Variants in DYNC1H1 observed in about 807,000 individuals in gnomAD.
DYNC1H1 encodes cytoplasmic dynein 1 heavy chain 1.
Under a neutral mutation model 527.1 loss-of-function variants are expected in DYNC1H1, and 51 were observed. That is an observed-to-expected ratio of 0.10 (90% confidence interval 0.08 to 0.12). The LOEUF is 0.12. Among genes scored for constraint, DYNC1H1 ranks in the 10% least tolerant of loss-of-function variants. The probability of loss-of-function intolerance (pLI) is 1.00; values close to 1 mark genes in which losing one functional copy is unlikely to be tolerated. For synonymous variants in DYNC1H1, 2,189 were observed against 2,278.8 expected, an observed-to-expected ratio of 0.96 and a Z score of 1.12; for missense variants, 2,771 against 5,971.8, an observed-to-expected ratio of 0.46 and a Z score of 17.66.
chr14:102,002,578 C>T lies in DYNC1H1; in HGVS notation c.4584C>T (p.Asn1528=). The change falls in exon 22 of 78, where the codon AAC becomes AAT. Residue 1528 remains asparagine (N), a synonymous_variant. Transcript: ENST00000360184. The surrounding 1 kb of genome is among the most constrained non-coding windows in gnomAD (Gnocchi z 4.4). ...CTCTCAGCTGGGAAGATAAGCTGAA[C>T]AGGATCATGGCTCTCTTTGATGTGT... ...EDALSWEDKL[N]RIMALFDVWI... The T allele has an allele frequency of 6.2e-7, 1 of 1,614,204 alleles. No individual in the cohort carries two copies. Among genetic ancestry groups the T allele is most frequent in the Non-Finnish European group, 8.5e-7 (1 of 1,180,038 alleles).
chr14:101,997,257 A>G lies in DYNC1H1; in HGVS notation c.3787A>G (p.Lys1263Glu), dbSNP rs1315401599. 3 of 1,614,100 alleles carry G rather than the reference A, an allele frequency of 1.9e-6. No individual in the cohort carries two copies. ...RTTDLLTDWE[K>E]TKPVTGNLRP... is the part of the protein sequence containing the mutation. ...CACCGACCTGCTGACTGACTGGGAGAAGACCAAGCCTGTCACGGTGAGTCC... is the reference window on the plus strand; with the variant it reads ...CACCGACCTGCTGACTGACTGGGAGGAGACCAAGCCTGTCACGGTGAGTCC... The change falls in exon 16 of 78, where the codon AAG (lysine) becomes GAG (glutamate). Residue 1263 changes from lysine to glutamate, a missense_variant. Transcript: ENST00000360184. This position sits in a 1 kb window ranked among gnomAD's most constrained non-coding sequence, Gnocchi z 4.8.
At position 102,005,896 on chromosome 14, in the gene DYNC1H1, G is replaced by C. The variant is rs1172992833; in HGVS notation, c.5442G>C (p.Glu1814Asp). ...TGACTCTCTTTCTTCAGATTACAGA[G>C]TTGGTTCACCAGAGAGATGTTACAA... Reference protein sequence around the residue: ...RRRKLEHLITELVHQRDVTRS... With the variant: ...RRRKLEHLITDLVHQRDVTRS... Residue 1814 changes from glutamate (E) to aspartate (D), a missense_variant, in exon 27 of 78, where the codon GAG (glutamate) becomes GAC (aspartate). Transcript: ENST00000360184. This position sits in a 1 kb window ranked among gnomAD's most constrained non-coding sequence, Gnocchi z 4.0. 2.5e-6 allele frequency: 4 copies of C among 1,614,240 alleles called. No individual in the cohort carries two copies. Among genetic ancestry groups the C allele is most frequent in the Non-Finnish European group, 3.4e-6 (4 of 1,180,040 alleles).
intron 15 of DYNC1H1, 110 bp from the exon 16 acceptor site, chr14:101,996,925 T>C: frequency 6.9e-7 from 1 of 1,459,090 alleles, no homozygotes; most frequent in East Asian, 2.5e-5. Context: ...GTCTGGCCAG[T>C]CTTACGTGTT....
intron 2 of DYNC1H1, among the ~76,000 whole-genome samples, chr14:101,978,377 T>C (rs554826542): frequency 1.3e-5 from 2 of 152,334 alleles, no homozygotes; most frequent in East Asian, 3.9e-4. Flanking sequence ...TTCGCCATGT[T>C]GGCCAGGCTG....
intron 73 of DYNC1H1, 50 bp downstream of exon 73, chr14:102,048,078 G>T (rs1454022799): frequency 1.3e-6 from 2 of 1,569,710 alleles, no homozygotes; most frequent in Admixed American, 3.6e-5. Flanking sequence ...CCAGGTGCTG[G>T]GTATGGTCAT....
Position 102,038,954 on chromosome 14 carries a change from A to AC in DYNC1H1, c.11207-45dup. 1 of 1,613,912 alleles carries AC rather than the reference A, an allele frequency of 6.2e-7. No individual in the cohort carries two copies. Among genetic ancestry groups the AC allele is most frequent in the Non-Finnish European group, 8.5e-7 (1 of 1,180,016 alleles). On this transcript the variant is annotated intron_variant, in intron 59 of 77. Coordinates refer to ENST00000360184, the MANE Select transcript of DYNC1H1 (RefSeq NM_001376.5). The surrounding 1 kb of genome is among the most constrained non-coding windows in gnomAD (Gnocchi z 7.2). ...TTGTGGCAAACACTTCTGAGAGCATACCTTTTGAAGGATTATTGCAAACTC... is the reference window on the plus strand; with the variant it reads ...TTGTGGCAAACACTTCTGAGAGCATACCCTTTTGAAGGATTATTGCAAACTC...
At position 102,051,214 on chromosome 14, in the gene DYNC1H1, C is replaced by G. The variant is rs1021550143; in HGVS notation, c.*651C>G. 2 of 159,898 alleles carry G rather than the reference C, an allele frequency of 1.3e-5. No homozygotes were observed. Among genetic ancestry groups the G allele is most frequent in the African/African-American group, 4.8e-5 (2 of 41,254 alleles). 9.9% of individuals were successfully genotyped at this position (159,898 alleles called of 1,614,324 possible). Reference sequence around the variant, plus strand: ...GAGGCTGCAGTGAGCTGTGATCTCACCACTGCACTCCAGCCTGGGTGACAG... The same window carrying G: ...GAGGCTGCAGTGAGCTGTGATCTCAGCACTGCACTCCAGCCTGGGTGACAG... On this transcript the variant is annotated 3_prime_UTR_variant, in exon 78 of 78. Coordinates refer to ENST00000360184, the MANE Select transcript of DYNC1H1 (RefSeq NM_001376.5).
chr14:102,026,507 A>G (rs2048453049), intron 43 of DYNC1H1, 67 bp from the exon 44 acceptor site: 1 of 1,563,828 alleles, frequency 6.4e-7, no homozygotes, highest in African/African-American at 1.4e-5. Context: ...GTGGACATAC[A>G]GTTGACTTTG....
chr14:102,021,819 C>T (rs1476588256), intron 42 of DYNC1H1, among the ~76,000 whole-genome samples: 2 of 151,924 alleles, frequency 1.3e-5, no homozygotes, highest in African/African-American at 4.8e-5. Flanking sequence ...TGCCACCACG[C>T]CTGGCTGATT....
In DYNC1H1 at chr14:102,049,219, A is replaced by G; in HGVS notation, c.13373-221A>G. 1.6e-6 allele frequency: 1 copy of G among 631,596 alleles called. No individual in the cohort carries two copies. The highest frequency in any genetic ancestry group is 2.8e-6 in the Non-Finnish European group (1 of 360,846). 39.1% of individuals were successfully genotyped at this position (631,596 alleles called of 1,614,324 possible). On this transcript the variant is annotated intron_variant, in intron 74 of 77. Coordinates refer to ENST00000360184, the MANE Select transcript of DYNC1H1 (RefSeq NM_001376.5). This position sits in a 1 kb window ranked among gnomAD's most constrained non-coding sequence, Gnocchi z 5.5. ...CACACCTGGACTAATTTGACCCTAG[A>G]AACTGCACGGTTCTGAGACATGCTC...
At position 102,044,579 on chromosome 14, in the gene DYNC1H1, T is replaced by A; in HGVS notation, c.12903-16T>A. The A allele has an allele frequency of 6.2e-7, 1 of 1,614,204 alleles. No individual in the cohort carries two copies. The highest frequency in any genetic ancestry group is 1.3e-5 in the African/African-American group (1 of 75,064). Reference sequence around the variant, plus strand: ...GGTGACCCCTGACATCATTTCCAAATGCACTGGTTTTCTAGGCGAGAGGAG... The same window carrying A: ...GGTGACCCCTGACATCATTTCCAAAAGCACTGGTTTTCTAGGCGAGAGGAG... On this transcript the variant is annotated splice_polypyrimidine_tract_variant and intron_variant, in intron 71 of 77. Coordinates refer to ENST00000360184, the MANE Select transcript of DYNC1H1 (RefSeq NM_001376.5). This position sits in a 1 kb window ranked among gnomAD's most constrained non-coding sequence, Gnocchi z 7.1.
rs888317854 is a variant in DYNC1H1, at chr14:101,998,879, C to CTTTTTTTTTTTTTTTTT, written c.3805-1106_3805-1090dup. Among the ~76,000 whole-genome samples the CTTTTTTTTTTTTTTTTT allele has an allele frequency of 2.9e-4, 33 of 115,210 alleles. 2 individuals are homozygous for CTTTTTTTTTTTTTTTTT. The East Asian group carries it at 4.3e-3, about 15-fold the overall frequency. The allele number at this position is 115,210 out of a possible 152,430, so 75.6% of individuals were successfully genotyped here. ...TAATGTGTTAGAGTTAAAACTTTTT[C>CTTTTTTTTTTTTTTTTT]TTTTTTTTTTTTTTTTTTTTGAGAC... On this transcript the variant is annotated intron_variant, in intron 16 of 77. Coordinates refer to ENST00000360184, the MANE Select transcript of DYNC1H1 (RefSeq NM_001376.5).
chr14:101,987,316 C>T, intron 8 of DYNC1H1, 137 bp from the exon 9 acceptor site: 1 of 960,314 alleles, frequency 1.0e-6, no homozygotes, highest in Non-Finnish European at 1.6e-6. Flanking sequence ...CTCACCCCAG[C>T]AGCTAGGATT....
chr14:101,980,650 T>C, intron 5 of DYNC1H1, 100 bp downstream of exon 5: 1 of 1,395,200 alleles, frequency 7.2e-7, no homozygotes, highest in South Asian at 1.3e-5. Flanking sequence ...TTCACAGATG[T>C]ACTGTCGTTT....
chr14:101,989,320 G>A (rs2047970121), intron 10 of DYNC1H1, among the ~76,000 whole-genome samples: 1 of 152,190 alleles, frequency 6.6e-6, no homozygotes, highest in Non-Finnish European at 1.5e-5. Context: ...ACATTGAAAC[G>A]TACTCCACTG....
rs2048339336 is a variant in DYNC1H1, at chr14:102,017,687, C to T, written c.8177+183C>T. 1 of 1,214,712 alleles carries T rather than the reference C, an allele frequency of 8.2e-7. No homozygotes were observed. 75.2% of individuals were successfully genotyped at this position (1,214,712 alleles called of 1,614,324 possible). On this transcript the variant is annotated intron_variant, in intron 40 of 77. Transcript: ENST00000360184. The surrounding 1 kb of genome is among the most constrained non-coding windows in gnomAD (Gnocchi z 4.6). ...AACATGTTAAAAATAAAAGCATTGGCCGGGCGCAGTGGCTTACGCCTATAA... is the reference window on the plus strand; with the variant it reads ...AACATGTTAAAAATAAAAGCATTGGTCGGGCGCAGTGGCTTACGCCTATAA...
In DYNC1H1 at chr14:102,038,967, T is replaced by C; in HGVS notation, c.11207-34T>C. 6.2e-7 allele frequency: 1 copy of C among 1,613,986 alleles called. No individual in the cohort carries two copies. The highest frequency in any genetic ancestry group is 8.5e-7 in the Non-Finnish European group (1 of 1,180,034). On this transcript the variant is annotated intron_variant, in intron 59 of 77. Transcript: ENST00000360184. This position sits in a 1 kb window ranked among gnomAD's most constrained non-coding sequence, Gnocchi z 7.2. ...TTCTGAGAGCATACCTTTTGAAGGA[T>C]TATTGCAAACTCTGGATGTTTTATT...
At chr14:101,969,941 G>C (rs555163003) in intron 1 of DYNC1H1, among the ~76,000 whole-genome samples, 1 of 152,202 alleles carries the variant, frequency 6.6e-6, no homozygotes, top group East Asian at 1.9e-4. Flanking sequence ...CAAAACCCTA[G>C]GATTTTAAGA....
chr14:102,028,879 C>CAT (rs1308049761), intron 48 of DYNC1H1: 2 of 161,720 alleles, frequency 1.2e-5, no homozygotes, highest in Non-Finnish European at 2.7e-5. Flanking sequence ...CTCCAGAGAC[C>CAT]ATATATAAAT....
Sources: gnomAD v4.1 joint callset for allele counts (sites outside exome capture counted in the v4.1 genomes callset) on GRCh38, gnomAD v4.1.1 for gene constraint, Gnocchi (gnomAD v3.1) non-coding constraint, MANE v1.5 for transcripts, NCBI Gene and HGNC (gene_info 2026-07-23, HGNC 2026-07-21) for gene names.